SYNDIG1: variants seen among roughly 807,000 people sequenced by gnomAD.
SYNDIG1 encodes the protein synapse differentiation-inducing gene protein 1.
Under a neutral mutation model 19.4 loss-of-function variants are expected in SYNDIG1, and 9 were observed. That is an observed-to-expected ratio of 0.46 (90% CI 0.28 to 0.81). SYNDIG1 has a LOEUF of 0.81. Ranked by LOEUF, SYNDIG1 falls within the 30% of genes least tolerant of loss-of-function variation. SYNDIG1 has a pLI of 0.12. For missense variants in SYNDIG1, 311 were observed against 343.3 expected, an observed-to-expected ratio of 0.91 and a Z score of 0.74; for synonymous variants, 141 against 145.9, an observed-to-expected ratio of 0.97 and a Z score of 0.24.
intron 3 of SYNDIG1, among the ~76,000 whole-genome samples, chr20:24,647,159 C>A (rs2147355015): frequency 6.6e-6 from 1 of 152,274 alleles, no homozygotes; most frequent in African/African-American, 2.4e-5. Context: ...TGACAGTCAG[C>A]ACTTCATTAG....
chr20:24,485,591 G>T (rs538388368), intron 1 of SYNDIG1, among the ~76,000 whole-genome samples: 10 of 152,212 alleles, frequency 6.6e-5, no homozygotes, highest in African/African-American at 2.4e-4. Context: ...GCTTTTTATT[G>T]CCTTACTTCT....
intron 3 of SYNDIG1, among the ~76,000 whole-genome samples, chr20:24,664,116 T>TCCGAAAGTTAGAGGAGCGAGAAGGAAGCC (rs2059627684): frequency 6.6e-6 from 1 of 151,942 alleles, no homozygotes; most frequent in Non-Finnish European, 1.5e-5. Context: ...GCTTTTAAGA[T>TCCGAAAGTTAGAGGAGCGAGAAGGAAGCC]CCGAAAGTTA....
At chr20:24,647,192 TATAG>T (rs1245794749) in intron 3 of SYNDIG1, among the ~76,000 whole-genome samples, 6 of 152,138 alleles carry the variant, frequency 3.9e-5, no homozygotes, top group African/African-American at 1.4e-4. Context: ...AAGAAGTCAA[TATAG>T]ATATACTTTT....
chr20:24,618,235 G>A (rs1239059478), intron 3 of SYNDIG1, among the ~76,000 whole-genome samples: 2 of 149,910 alleles, frequency 1.3e-5, no homozygotes, highest in African/African-American at 4.9e-5. Flanking sequence ...GAGAGCCCGG[G>A]GAGAGGGGAG....
rs980183838 is a variant in SYNDIG1 at position 24,666,331 on chromosome 20, G to T, written c.*827G>T. The T allele has an allele frequency of 6.6e-6, 1 of 152,636 alleles. No homozygotes were observed. The allele number at this position is 152,636 out of a possible 1,614,324, so 9.5% of individuals were successfully genotyped here. On this transcript the variant is annotated 3_prime_UTR_variant, in exon 4 of 4. Coordinates refer to ENST00000376862, the MANE Select transcript of SYNDIG1 (RefSeq NM_024893.3). ...ACTGCCTCAGCCTAAAGACACAGGG[G>T]CGCCTCCCAATCACCGCGCTGGCGG...
At chr20:24,628,484 A>C (rs1205339529) in intron 3 of SYNDIG1, among the ~76,000 whole-genome samples, 4 of 152,252 alleles carry the variant, frequency 2.6e-5, no homozygotes. Flanking sequence ...AAAGATTTCC[A>C]AGTGAAGAAG....
At chr20:24,528,762 C>T (rs937356982) in intron 1 of SYNDIG1, among the ~76,000 whole-genome samples, 1 of 152,188 alleles carries the variant, frequency 6.6e-6, no homozygotes, top group Non-Finnish European at 1.5e-5. Flanking sequence ...TAGCAGTGCT[C>T]ATTTCCCTCC....
intron 3 of SYNDIG1, among the ~76,000 whole-genome samples, chr20:24,587,722 C>G (rs2058440765): frequency 6.6e-6 from 1 of 152,240 alleles, no homozygotes; most frequent in South Asian, 2.1e-4. Context: ...GCCAGCACAT[C>G]CTGCTGCCTT....
At chr20:24,599,376 A>G (rs1178254952) in intron 3 of SYNDIG1, among the ~76,000 whole-genome samples, 2 of 152,230 alleles carry the variant, frequency 1.3e-5, no homozygotes, top group Non-Finnish European at 2.9e-5. Context: ...ACTCTTATAT[A>G]CTGTTGGTGA....
intron 2 of SYNDIG1, among the ~76,000 whole-genome samples, 185 bp from the exon 3 acceptor site, chr20:24,584,671 G>A (rs958680215): frequency 2.6e-5 from 4 of 152,204 alleles, no homozygotes; most frequent in African/African-American, 9.6e-5. Flanking sequence ...TCCTTGGCCT[G>A]GCTGCCCTTC....
At chr20:24,487,393 AG>A (rs1300317698) in intron 1 of SYNDIG1, among the ~76,000 whole-genome samples, 17 of 152,302 alleles carry the variant, frequency 1.1e-4, no homozygotes, top group Middle Eastern at 6.8e-3. Flanking sequence ...ACACAGCAAG[AG>A]CCCAGGTTCA....
At chr20:24,601,226 C>A (rs1314564029) in intron 3 of SYNDIG1, among the ~76,000 whole-genome samples, 1 of 152,108 alleles carries the variant, frequency 6.6e-6, no homozygotes, top group Non-Finnish European at 1.5e-5. Flanking sequence ...AATTTGTGTG[C>A]TCTTTTGCTT....
intron 2 of SYNDIG1, among the ~76,000 whole-genome samples, chr20:24,578,925 G>T (rs553209364): frequency 1.4e-4 from 22 of 152,322 alleles, no homozygotes; most frequent in African/African-American, 5.3e-4. Flanking sequence ...TTCCCAGGAG[G>T]TATTCTCCTT....
chr20:24,624,707 A>G (rs1347624841), intron 3 of SYNDIG1, among the ~76,000 whole-genome samples: 1 of 152,246 alleles, frequency 6.6e-6, no homozygotes, highest in Non-Finnish European at 1.5e-5. Context: ...GACCTTATTA[A>G]CATTAAAAGA....
chr20:24,608,193 A>ATT (rs11481343), intron 3 of SYNDIG1, among the ~76,000 whole-genome samples: 41,825 of 147,714 alleles, frequency 0.28, 6,801 homozygotes, highest in Admixed American at 0.41. Flanking sequence ...ATTATCTCCT[A>ATT]TTTTTTTTTT....
Position 24,615,398 on chromosome 20 carries a change from G to A in SYNDIG1, c.618+30405G>A, listed in dbSNP as rs1036983993. ...TGGGTCTTCCAACCCCAGGTTCTAC[G>A]CTCTTACAGCTCCTCTAGCACCCAT... is the stretch of plus-strand genomic sequence containing the variant. On this transcript the variant is annotated intron_variant, in intron 3 of 3. Coordinates refer to ENST00000376862, the MANE Select transcript of SYNDIG1 (RefSeq NM_024893.3). 3.3e-5 allele frequency among the ~76,000 whole-genome samples: 5 copies of A among 152,260 alleles called. No homozygotes were observed. The East Asian group carries it at 7.7e-4, about 24-fold the overall frequency.
At chr20:24,604,803 G>A (rs967525940) in intron 3 of SYNDIG1, among the ~76,000 whole-genome samples, 2 of 152,028 alleles carry the variant, frequency 1.3e-5, no homozygotes, top group African/African-American at 4.8e-5. Context: ...AATTCTTTCT[G>A]GCATGAAGTC....
At chr20:24,612,622 C>T (rs1000132869) in intron 3 of SYNDIG1, among the ~76,000 whole-genome samples, 3 of 152,304 alleles carry the variant, frequency 2.0e-5, no homozygotes. Flanking sequence ...GAAAGTCAAC[C>T]TTAGATATGT....
intron 1 of SYNDIG1, among the ~76,000 whole-genome samples, chr20:24,497,691 T>C (rs2056337659): frequency 6.6e-6 from 1 of 152,132 alleles, no homozygotes; most frequent in African/African-American, 2.4e-5. Flanking sequence ...TGCCCAAAGT[T>C]AAATGGATAC....
Sources: allele counts gnomAD v4.1 joint callset (sites outside exome capture counted in the v4.1 genomes callset), GRCh38; gene constraint gnomAD v4.1.1; transcripts MANE v1.5; gene names NCBI Gene and HGNC (gene_info 2026-07-23, HGNC 2026-07-21).